Variants in ZNF609 observed in about 807,000 individuals in gnomAD.
ZNF609 encodes the protein zinc finger protein 609.
A neutral mutation model predicts 109.5 loss-of-function variants in ZNF609; 11 were observed. The observed-to-expected ratio is 0.10, with a 90% confidence interval of 0.06 to 0.17. The LOEUF is 0.17. ZNF609 is among the 10% of genes least tolerant of loss of function. ZNF609 has a pLI of 1.00. For missense variants in ZNF609, 1,559 were observed against 1,772.4 expected (o/e 0.88, Z 2.16); for synonymous variants, 646 against 662.0 (o/e 0.98, Z 0.37).
intron 1 of ZNF609, among the ~76,000 whole-genome samples, chr15:64,484,038 T>G (rs1893295521): frequency 8.3e-6 from 1 of 120,032 alleles, no homozygotes; most frequent in African/African-American, 3.1e-5. Context: ...GGGTGCTGTT[T>G]CAGTTTCTTT....
chr15:64,638,027 A>G, intron 3 of ZNF609, among the ~76,000 whole-genome samples: 2 of 131,138 alleles, frequency 1.5e-5, no homozygotes, highest in Middle Eastern at 4.0e-3. Context: ...AAATATATAT[A>G]AAAATACATA....
At position 64,492,634 on chromosome 15, in the gene ZNF609, G is replaced by A. The variant is rs1049885161; in HGVS notation, c.-127-6659G>A. Among the ~76,000 whole-genome samples the A allele has an allele frequency of 8.5e-4, 129 of 152,104 alleles. 1 individual carries two copies. The highest frequency in any genetic ancestry group is 3.4e-3 in the Middle Eastern group (1 of 292). On this transcript the variant is annotated intron_variant, in intron 1 of 9. Transcript: ENST00000326648. ...TGGGCTCAAGTGATCCTCTCACCTC[G>A]GCCTCCCAAAGTGCTGGGATTACAG...
chr15:64,475,451 C>T lies in ZNF609; in HGVS notation c.-128+14613C>T, dbSNP rs542813203. ...CTCTGTCACCCAGGCTAGAGTGCAG[C>T]GATCTTGGCTCACTGCAACCTCCAC... On this transcript the variant is annotated intron_variant, in intron 1 of 9. Transcript: ENST00000326648. 3.6e-5 allele frequency among the ~76,000 whole-genome samples: 5 copies of T among 137,948 alleles called. No individual in the cohort carries two copies. In the South Asian group the frequency reaches 6.7e-4, roughly 19 times the overall value. The allele number at this position is 137,948 out of a possible 152,430, so 90.5% of individuals were successfully genotyped here. A position where few individuals can be genotyped will look rare whatever the true frequency, so the allele number is the denominator to read the frequency against.
At chr15:64,495,823 T>G (rs1300977074) in intron 1 of ZNF609, among the ~76,000 whole-genome samples, 1 of 127,770 alleles carries the variant, frequency 7.8e-6, no homozygotes, top group Non-Finnish European at 1.8e-5. Flanking sequence ...ACCTGTTATC[T>G]TTTTTTTTTT....
intron 2 of ZNF609, among the ~76,000 whole-genome samples, chr15:64,578,465 T>A (rs7342671): frequency 0.052 from 7,913 of 151,970 alleles, 290 homozygotes; most frequent in African/African-American, 0.1. Flanking sequence ...GAGGCTGAGG[T>A]GGGCGGATCA....
chr15:64,530,109 G>A (rs940755698), intron 2 of ZNF609, among the ~76,000 whole-genome samples: 3 of 151,964 alleles, frequency 2.0e-5, no homozygotes, highest in African/African-American at 7.2e-5. Context: ...CTGCCTCCCA[G>A]GGTCAAGTGA....
At chr15:64,515,712 G>A (rs1352003898) in intron 2 of ZNF609, among the ~76,000 whole-genome samples, 2 of 151,646 alleles carry the variant, frequency 1.3e-5, no homozygotes, top group Non-Finnish European at 2.9e-5. Flanking sequence ...CGAGGCAGGC[G>A]AATAACCTGA....
chr15:64,588,018 G>T (rs1397027253), intron 2 of ZNF609, among the ~76,000 whole-genome samples: 1 of 151,796 alleles, frequency 6.6e-6, no homozygotes, highest in Admixed American at 6.6e-5. Context: ...GAGATAACAG[G>T]CATGAGCCAC....
At chr15:64,656,394 T>G (rs905265543) in intron 3 of ZNF609, among the ~76,000 whole-genome samples, 6 of 152,166 alleles carry the variant, frequency 3.9e-5, no homozygotes, top group Non-Finnish European at 8.8e-5. Context: ...TTTAATATAT[T>G]AGCCCACCAA....
intron 2 of ZNF609, among the ~76,000 whole-genome samples, chr15:64,599,419 A>G (rs1895458347): frequency 6.6e-6 from 1 of 152,032 alleles, no homozygotes; most frequent in South Asian, 2.1e-4. Flanking sequence ...GGCATGTATC[A>G]GTTGCTCAGT....
chr15:64,625,117 C>G (rs1286649178), intron 3 of ZNF609, among the ~76,000 whole-genome samples: 1 of 152,106 alleles, frequency 6.6e-6, no homozygotes, highest in Non-Finnish European at 1.5e-5. Flanking sequence ...CAGTTTGCAA[C>G]TTTGTTTATC....
At chr15:64,469,159 A>T (rs1893058324) in intron 1 of ZNF609, among the ~76,000 whole-genome samples, 1 of 151,398 alleles carries the variant, frequency 6.6e-6, no homozygotes, top group Non-Finnish European at 1.5e-5. Context: ...GCTACTTGGG[A>T]GGCTGAGGCA....
intron 1 of ZNF609, among the ~76,000 whole-genome samples, chr15:64,461,104 G>A (rs1892933567): frequency 6.6e-6 from 1 of 150,882 alleles, no homozygotes; most frequent in Non-Finnish European, 1.5e-5. Context: ...AGGGGTGCCC[G>A]GGAGGGGATT....
intron 2 of ZNF609, among the ~76,000 whole-genome samples, chr15:64,611,071 A>C (rs556843570): frequency 3.3e-5 from 5 of 152,162 alleles, no homozygotes; most frequent in Non-Finnish European, 7.3e-5. Context: ...TGACACACTT[A>C]AGTCTTGACT....
At chr15:64,665,572 G>A (rs77538345) in intron 3 of ZNF609, among the ~76,000 whole-genome samples, 2,125 of 152,186 alleles carry the variant, frequency 0.014, 15 homozygotes, top group Non-Finnish European at 0.019. Flanking sequence ...GTAACATAGT[G>A]AGACTCTGTC....
intron 2 of ZNF609, among the ~76,000 whole-genome samples, chr15:64,618,601 C>T (rs1219714727): frequency 1.3e-5 from 2 of 152,120 alleles, no homozygotes; most frequent in Non-Finnish European, 2.9e-5. Flanking sequence ...AAGTAATGCT[C>T]AGCAGATTGG....
At chr15:64,541,286 G>T (rs1894255126) in intron 2 of ZNF609, among the ~76,000 whole-genome samples, 1 of 150,374 alleles carries the variant, frequency 6.7e-6, no homozygotes, top group Non-Finnish European at 1.5e-5. Flanking sequence ...CATTGGCCGG[G>T]CGTGGTGTCG....
chr15:64,593,222 A>C (rs1895332433), intron 2 of ZNF609: 6 of 1,534,686 alleles, frequency 3.9e-6, no homozygotes, highest in Middle Eastern at 2.3e-4. Context: ...AATTCACAGC[A>C]AAGTAGTCAG....
Position 64,460,591 on chromosome 15 carries a change from CGCG to C in ZNF609, c.-361_-359del, listed in dbSNP as rs567333441. On this transcript the variant is annotated 5_prime_UTR_variant, in exon 1 of 10. Coordinates refer to ENST00000326648, the MANE Select transcript of ZNF609 (RefSeq NM_015042.2). ...CCGGGTGACTCTGGTTGTCCCGGAT[CGCG>C]GCGGCGGCGGCGGTGGCGGCGGCTG... 1.3e-5 allele frequency among the ~76,000 whole-genome samples: 2 copies of C among 151,670 alleles called. No homozygotes were observed. The highest frequency in any genetic ancestry group is 4.1e-4 in the South Asian group (2 of 4,822).
Sources: gnomAD v4.1 joint callset for allele counts (sites outside exome capture counted in the v4.1 genomes callset) on GRCh38, gnomAD v4.1.1 for gene constraint, MANE v1.5 for transcripts, NCBI Gene and HGNC (gene_info 2026-07-23, HGNC 2026-07-21) for gene names.